Variants in ZDHHC14 observed in about 807,000 individuals in gnomAD.
The protein encoded by ZDHHC14 is palmitoyltransferase ZDHHC14.
A neutral mutation model predicts 47.7 loss-of-function variants in ZDHHC14; 16 were observed. That is an observed-to-expected ratio of 0.34 (90% confidence interval 0.23 to 0.51). The LOEUF (loss-of-function observed/expected upper bound fraction) is 0.51, where lower values mean the gene tolerates loss of function less well. ZDHHC14 is among the 20% of genes least tolerant of loss of function. The pLI, the probability that ZDHHC14 is intolerant of heterozygous loss-of-function variation, is 0.97. For synonymous variants in ZDHHC14, 293 were observed against 278.9 expected (o/e 1.05, Z -0.50); for missense variants, 515 against 662.5 (o/e 0.78, Z 2.44).
At chr6:157,489,747 C>T (rs1174931247) in intron 1 of ZDHHC14, among the ~76,000 whole-genome samples, 1 of 152,130 alleles carries the variant, frequency 6.6e-6, no homozygotes, top group East Asian at 1.9e-4. Context: ...GGTTTTCCTC[C>T]CAGGATGCGG....
At chr6:157,445,961 T>C (rs1778659128) in intron 1 of ZDHHC14, among the ~76,000 whole-genome samples, 1 of 152,226 alleles carries the variant, frequency 6.6e-6, no homozygotes, top group Non-Finnish European at 1.5e-5. Context: ...TACATGGTGC[T>C]GACCCAGAAG....
chr6:157,667,329 GA>G (rs1248543739), intron 8 of ZDHHC14, among the ~76,000 whole-genome samples: 26 of 152,252 alleles, frequency 1.7e-4, no homozygotes, highest in African/African-American at 6.0e-4. Flanking sequence ...AATTGTAAGA[GA>G]GAAAAAGCGA....
chr6:157,635,783 C>T (rs955853522), intron 5 of ZDHHC14, among the ~76,000 whole-genome samples: 1 of 152,120 alleles, frequency 6.6e-6, no homozygotes, highest in Non-Finnish European at 1.5e-5. Flanking sequence ...GAGCCTGCAG[C>T]GGGAAGGAGT....
intron 8 of ZDHHC14, among the ~76,000 whole-genome samples, chr6:157,670,577 G>A (rs1464938152): frequency 1.3e-5 from 2 of 152,178 alleles, no homozygotes; most frequent in Non-Finnish European, 2.9e-5. Context: ...TTATAGGCAT[G>A]AGCCACTGTG....
At chr6:157,448,545 A>G (rs1161062722) in intron 1 of ZDHHC14, among the ~76,000 whole-genome samples, 2 of 152,212 alleles carry the variant, frequency 1.3e-5, no homozygotes, top group Non-Finnish European at 2.9e-5. Flanking sequence ...TCCATTGATA[A>G]TTTCCCAGAA....
chr6:157,586,702 C>T lies in ZDHHC14; in HGVS notation c.407-6286C>T, dbSNP rs1036666609. Among the ~76,000 whole-genome samples, 24 of 90,592 alleles carry T rather than the reference C, an allele frequency of 2.6e-4. No homozygotes were observed. The highest frequency in any genetic ancestry group is 6.2e-4 in the African/African-American group (22 of 35,266). The allele number at this position is 90,592 out of a possible 152,430, so 59.4% of individuals were successfully genotyped here. A position where few individuals can be genotyped will look rare whatever the true frequency, so the allele number is the denominator to read the frequency against. ...CCCTCGGCAACCCCTGGTGCAGCAC[C>T]GGCTTATAGTAAATCCTTCATAAAT... is the stretch of plus-strand genomic sequence containing the variant. On this transcript the variant is annotated intron_variant, in intron 2 of 8. Coordinates refer to ENST00000359775, the MANE Select transcript of ZDHHC14 (RefSeq NM_024630.3). This position sits in a 1 kb window ranked among gnomAD's most constrained non-coding sequence, Gnocchi z 4.6.
At chr6:157,414,014 A>G (rs758567668) in intron 1 of ZDHHC14, among the ~76,000 whole-genome samples, 27 of 152,102 alleles carry the variant, frequency 1.8e-4, no homozygotes, top group Non-Finnish European at 3.1e-4. Flanking sequence ...TTGGCTCACC[A>G]TAACCTCCAA....
intron 3 of ZDHHC14, among the ~76,000 whole-genome samples, chr6:157,624,584 T>C (rs1431404048): frequency 6.6e-6 from 1 of 152,194 alleles, no homozygotes; most frequent in Admixed American, 6.5e-5. Context: ...GCTGGGTACA[T>C]GGAAAATACT....
chr6:157,656,978 A>G (rs1255697827), intron 8 of ZDHHC14, among the ~76,000 whole-genome samples: 2 of 152,074 alleles, frequency 1.3e-5, no homozygotes, highest in African/African-American at 2.4e-5. Context: ...ACTCTCTGCC[A>G]TGCATACCTG....
chr6:157,382,216 C>T lies in ZDHHC14; in HGVS notation c.195C>T (p.Tyr65=), dbSNP rs377283731. ...IMMARQTGVF[Y]LTLVLILVTS... The stretch of plus-strand genomic sequence containing the variant: ...TGGCCCGGCAGACGGGCGTCTTCTA[C>T]CTGACGCTCGTCCTCATCCTGGTCA... Residue 65 remains tyrosine, a synonymous_variant, in exon 1 of 9, where the codon TAC becomes TAT. Transcript: ENST00000359775. 84 of 1,613,174 alleles carry T rather than the reference C, an allele frequency of 5.2e-5. No individual in the cohort carries two copies. In the Middle Eastern group the frequency reaches 6.6e-4, roughly 13 times the overall value.
At chr6:157,507,054 G>A (rs1780344863) in intron 1 of ZDHHC14, among the ~76,000 whole-genome samples, 2 of 152,064 alleles carry the variant, frequency 1.3e-5, no homozygotes, top group South Asian at 2.1e-4. Context: ...TAAGTAATAT[G>A]TATGTACTTC....
intron 1 of ZDHHC14, among the ~76,000 whole-genome samples, chr6:157,438,470 G>C (rs1035886878): frequency 6.6e-6 from 1 of 152,172 alleles, no homozygotes; most frequent in African/African-American, 2.4e-5. Context: ...CAAATGCCAC[G>C]TGCAGACATC....
chr6:157,592,801 A>C, intron 2 of ZDHHC14, 187 bp from the exon 3 acceptor site: 5 of 1,412,874 alleles, frequency 3.5e-6, no homozygotes, highest in South Asian at 1.7e-5. Context: ...GCACGTGTGC[A>C]ACGAAGGAGG....
chr6:157,663,541 C>G (rs183460794), intron 8 of ZDHHC14, among the ~76,000 whole-genome samples: 1 of 152,244 alleles, frequency 6.6e-6, no homozygotes. Context: ...GTCTCATCAA[C>G]AGGCCAATAT....
intron 1 of ZDHHC14, among the ~76,000 whole-genome samples, chr6:157,525,008 CAG>C (rs913983926): frequency 6.6e-6 from 1 of 152,202 alleles, no homozygotes; most frequent in Non-Finnish European, 1.5e-5. Context: ...GGGTCTCCCA[CAG>C]GGCTGCAATC....
chr6:157,472,155 C>G (rs967502402), intron 1 of ZDHHC14, among the ~76,000 whole-genome samples: 3 of 152,126 alleles, frequency 2.0e-5, no homozygotes, highest in African/African-American at 7.2e-5. Context: ...GTCCTGCAGC[C>G]TCAGCAGTCT....
chr6:157,514,301 C>T (rs1312150268), intron 1 of ZDHHC14, among the ~76,000 whole-genome samples: 1 of 152,216 alleles, frequency 6.6e-6, no homozygotes, highest in African/African-American at 2.4e-5. Context: ...CCGTCACTCC[C>T]CTCTCAGGAT....
intron 1 of ZDHHC14, among the ~76,000 whole-genome samples, chr6:157,482,460 G>A (rs1779655758): frequency 6.6e-6 from 1 of 151,738 alleles, no homozygotes; most frequent in East Asian, 1.9e-4. Flanking sequence ...CACCATGGTG[G>A]CCAGGGTGGT....
chr6:157,556,252 T>A (rs887913002), intron 2 of ZDHHC14, among the ~76,000 whole-genome samples: 2 of 12,958 alleles, frequency 1.5e-4, no homozygotes, highest in Non-Finnish European at 3.1e-4. Context: ...AGGACAGGGG[T>A]GGGGGGTGGA....
Sources: allele counts gnomAD v4.1 joint callset (sites outside exome capture counted in the v4.1 genomes callset), GRCh38; gene constraint gnomAD v4.1.1; non-coding constraint Gnocchi (gnomAD v3.1); transcripts MANE v1.5; gene names NCBI Gene and HGNC (gene_info 2026-07-23, HGNC 2026-07-21).